Variants in AGBL4 observed in about 807,000 individuals in gnomAD.
AGBL4 encodes the protein cytosolic carboxypeptidase 6.
A neutral mutation model predicts 66.4 loss-of-function variants in AGBL4; 58 were observed. The observed-to-expected ratio is 0.87, with a 90% CI of 0.71 to 1.09. AGBL4 has a LOEUF of 1.09. Ranked by LOEUF, AGBL4 falls within the 50% of genes least tolerant of loss-of-function variation. AGBL4 has a pLI of 0.00. For synonymous variants in AGBL4, 234 were observed against 222.9 expected, an observed-to-expected ratio of 1.05 and a Z score of -0.44; for missense variants, 579 against 631.0, an observed-to-expected ratio of 0.92 and a Z score of 0.88.
chr1:49,789,148 G>A (rs1050297530), intron 2 of AGBL4, among the ~76,000 whole-genome samples: 1 of 152,170 alleles, frequency 6.6e-6, no homozygotes, highest in African/African-American at 2.4e-5. Context: ...TACATTTATT[G>A]ATTTGAGTAT....
At chr1:49,192,717 C>T (rs191244828) in intron 4 of AGBL4, among the ~76,000 whole-genome samples, 2 of 152,292 alleles carry the variant, frequency 1.3e-5, no homozygotes, top group Admixed American at 6.5e-5. Context: ...GAATAGTAAC[C>T]TTACACAGAC....
intron 1 of AGBL4, among the ~76,000 whole-genome samples, chr1:49,876,145 G>A (rs1188937283): frequency 6.7e-6 from 1 of 149,012 alleles, no homozygotes; most frequent in African/African-American, 2.5e-5. Flanking sequence ...TTGCTGTGCA[G>A]AAGCTCTTTA....
intron 5 of AGBL4, among the ~76,000 whole-genome samples, chr1:48,922,719 C>G (rs1571007751): frequency 6.6e-6 from 1 of 152,242 alleles, no homozygotes; most frequent in South Asian, 2.1e-4. Flanking sequence ...TTCACATATA[C>G]TGTAATGTAC....
intron 6 of AGBL4, among the ~76,000 whole-genome samples, chr1:48,803,479 T>A (rs1309951009): frequency 6.6e-6 from 1 of 152,216 alleles, no homozygotes; most frequent in African/African-American, 2.4e-5. Context: ...AGCTATCAAA[T>A]GCATTTTCCT....
intron 3 of AGBL4, among the ~76,000 whole-genome samples, chr1:49,518,484 G>C (rs550361457): frequency 2.8e-4 from 41 of 144,738 alleles, no homozygotes; most frequent in Non-Finnish European, 5.3e-4. Context: ...TCTAATAAAA[G>C]AATCTGCTGT....
At chr1:49,389,517 C>A (rs142780607) in intron 3 of AGBL4, among the ~76,000 whole-genome samples, 1 of 152,076 alleles carries the variant, frequency 6.6e-6, no homozygotes, top group Non-Finnish European at 1.5e-5. Flanking sequence ...AGTATTAAAA[C>A]GTGGCTTCTT....
intron 3 of AGBL4, among the ~76,000 whole-genome samples, chr1:49,627,484 T>C (rs1024292880): frequency 5.9e-5 from 9 of 152,238 alleles, no homozygotes; most frequent in South Asian, 2.1e-4. Flanking sequence ...ATCTTTCCCC[T>C]TTCAGGCTCC....
At chr1:49,477,814 T>C (rs1487927686) in intron 3 of AGBL4, among the ~76,000 whole-genome samples, 8 of 151,676 alleles carry the variant, frequency 5.3e-5, no homozygotes, top group Admixed American at 2.0e-4. Context: ...AAATTCAAGA[T>C]AACACAGAGA....
chr1:48,896,874 T>C (rs1487745119), intron 5 of AGBL4, among the ~76,000 whole-genome samples: 2 of 152,140 alleles, frequency 1.3e-5, no homozygotes, highest in African/African-American at 4.8e-5. Context: ...AAAGTACGTA[T>C]TCTTTTTGGG....
Position 49,841,807 on chromosome 1 carries a change from A to G in AGBL4, c.157+9589T>C, listed in dbSNP as rs1645997008. 4 of 349,454 alleles carry G rather than the reference A, an allele frequency of 1.1e-5. No individual in the cohort carries two copies. In the South Asian group the frequency reaches 1.3e-4, roughly 12 times the overall value. 21.6% of individuals were successfully genotyped at this position (349,454 alleles called of 1,614,324 possible). On this transcript the variant is annotated intron_variant, in intron 2 of 13. Transcript: ENST00000371839. The stretch of plus-strand genomic sequence containing the variant: ...GCAGTCTGACAATGTGATAAAAAAA[A>G]AAAAAAATCCCACCGGCACCACGGC...
chr1:49,207,541 CTTTTCTTT>C (rs770990045), intron 4 of AGBL4, among the ~76,000 whole-genome samples: 6 of 50,394 alleles, frequency 1.2e-4, no homozygotes, highest in African/African-American at 4.2e-4. Flanking sequence ...CTTTTTCTTT[CTTTTCTTT>C]CTTTCTTTCT....
At chr1:49,086,007 G>A (rs1644900745) in intron 4 of AGBL4, among the ~76,000 whole-genome samples, 1 of 152,134 alleles carries the variant, frequency 6.6e-6, no homozygotes, top group Non-Finnish European at 1.5e-5. Flanking sequence ...TGTTAGACAA[G>A]GTTTGGTGCC....
At chr1:48,731,107 C>T (rs1456297243) in intron 6 of AGBL4, among the ~76,000 whole-genome samples, 6 of 152,278 alleles carry the variant, frequency 3.9e-5, no homozygotes, top group South Asian at 2.1e-4. Context: ...AATGTGACTA[C>T]ATGTAACAAA....
intron 4 of AGBL4, among the ~76,000 whole-genome samples, chr1:49,053,646 C>A (rs570753369): frequency 6.6e-6 from 1 of 152,072 alleles, no homozygotes; most frequent in African/African-American, 2.4e-5. Context: ...CACATTTATG[C>A]TAGGGTATAA....
chr1:49,774,580 T>C (rs1644149015), intron 2 of AGBL4, among the ~76,000 whole-genome samples: 1 of 152,226 alleles, frequency 6.6e-6, no homozygotes, highest in Admixed American at 6.5e-5. Context: ...TTAAGAGATA[T>C]GCCTAGATAT....
At chr1:49,465,339 A>T (rs921713134) in intron 3 of AGBL4, among the ~76,000 whole-genome samples, 3 of 151,428 alleles carry the variant, frequency 2.0e-5, no homozygotes, top group Non-Finnish European at 4.4e-5. Context: ...CTATACTAAC[A>T]GATCTTAGGC....
intron 3 of AGBL4, among the ~76,000 whole-genome samples, chr1:49,363,402 GA>G (rs1447452669): frequency 2.6e-5 from 4 of 152,166 alleles, no homozygotes; most frequent in Admixed American, 6.5e-5. Context: ...ATTCAGCAGA[GA>G]CAGTGTGTCA....
intron 6 of AGBL4, among the ~76,000 whole-genome samples, chr1:48,756,488 T>C (rs1348445992): frequency 6.6e-6 from 1 of 152,018 alleles, no homozygotes; most frequent in African/African-American, 2.4e-5. Context: ...CTAGGCTAGG[T>C]CCCTGGCATG....
chr1:49,976,129 A>G (rs531854826), intron 1 of AGBL4, among the ~76,000 whole-genome samples: 13 of 152,294 alleles, frequency 8.5e-5, no homozygotes, highest in African/African-American at 3.1e-4. Context: ...AACAGGCTTC[A>G]CTTTGGAAGG....
Sources: allele counts gnomAD v4.1 joint callset (sites outside exome capture counted in the v4.1 genomes callset), GRCh38; gene constraint gnomAD v4.1.1; transcripts MANE v1.5; gene names NCBI Gene and HGNC (gene_info 2026-07-23, HGNC 2026-07-21).